Variants in TMEM108 observed in about 807,000 individuals in gnomAD.
TMEM108 encodes the protein cancer/testis antigen 124.
In TMEM108, 12 loss-of-function variants were observed where a neutral mutation model predicts 35.1. The observed-to-expected ratio is 0.34, with a 90% CI of 0.22 to 0.55. TMEM108 has a LOEUF of 0.55. Among genes scored for constraint, TMEM108 ranks in the 20% least tolerant of loss-of-function variants. The pLI, the probability that TMEM108 is intolerant of heterozygous loss-of-function variation, is 0.89. For synonymous variants in TMEM108, 287 were observed against 308.6 expected (o/e 0.93, Z 0.73); for missense variants, 680 against 753.3 (o/e 0.90, Z 1.14).
At chr3:133,138,535 T>C (rs901755658) in intron 2 of TMEM108, among the ~76,000 whole-genome samples, 3 of 152,150 alleles carry the variant, frequency 2.0e-5, no homozygotes, top group Non-Finnish European at 4.4e-5. Context: ...CATCAGCTAT[T>C]GTTAGTGTAT....
intron 2 of TMEM108, among the ~76,000 whole-genome samples, chr3:133,188,233 C>T (rs918005850): frequency 6.6e-6 from 1 of 152,148 alleles, no homozygotes; most frequent in Non-Finnish European, 1.5e-5. Flanking sequence ...GCACACTACA[C>T]ATTTGCAAAA....
At chr3:133,288,555 G>A (rs756992863) in intron 3 of TMEM108, among the ~76,000 whole-genome samples, 1 of 152,124 alleles carries the variant, frequency 6.6e-6, no homozygotes, top group Non-Finnish European at 1.5e-5. Flanking sequence ...TGTTCCCTGT[G>A]ATCATGGGTG....
chr3:133,234,729 T>C (rs559549941), intron 3 of TMEM108, among the ~76,000 whole-genome samples: 238 of 152,174 alleles, frequency 1.6e-3, no homozygotes, highest in African/African-American at 5.6e-3. Context: ...CTATTCAACA[T>C]AGTGTTGGAA....
intron 2 of TMEM108, among the ~76,000 whole-genome samples, chr3:133,213,976 A>G (rs1010124262): frequency 2.0e-5 from 3 of 152,164 alleles, no homozygotes; most frequent in Admixed American, 1.3e-4. Flanking sequence ...AGAAGGGGCT[A>G]TTTGGGGAAT....
chr3:133,328,083 G>A (rs2071352157), intron 3 of TMEM108, among the ~76,000 whole-genome samples: 1 of 152,166 alleles, frequency 6.6e-6, no homozygotes, highest in African/African-American at 2.4e-5. Flanking sequence ...ATGTCAGTGT[G>A]TTGTGTTGGA....
intron 3 of TMEM108, among the ~76,000 whole-genome samples, chr3:133,332,072 G>A (rs115991275): frequency 0.014 from 1,536 of 107,012 alleles, 12 homozygotes; most frequent in Non-Finnish European, 0.02. Flanking sequence ...GTGCGCGTGC[G>A]TGCGCACGTG....
chr3:133,081,996 C>T (rs1943816667), intron 2 of TMEM108, among the ~76,000 whole-genome samples: 1 of 152,200 alleles, frequency 6.6e-6, no homozygotes, highest in Non-Finnish European at 1.5e-5. Flanking sequence ...AGCTTCAAAG[C>T]CGTGGCAGAT....
chr3:133,227,485 G>A (rs1327351643), intron 2 of TMEM108, among the ~76,000 whole-genome samples: 9 of 149,862 alleles, frequency 6.0e-5, no homozygotes, highest in South Asian at 2.1e-4. Flanking sequence ...GAGCCACCGC[G>A]CCCGGCCTAA....
chr3:133,175,981 A>G (rs57007237), intron 2 of TMEM108, among the ~76,000 whole-genome samples: 28,060 of 152,016 alleles, frequency 0.18, 3,366 homozygotes, highest in East Asian at 0.37. Flanking sequence ...AGGAAGATCT[A>G]CCAAGCAAAT....
At chr3:133,118,609 C>T (rs1944315319) in intron 2 of TMEM108, among the ~76,000 whole-genome samples, 1 of 152,086 alleles carries the variant, frequency 6.6e-6, no homozygotes, top group African/African-American at 2.4e-5. Context: ...GTATTGTTAC[C>T]AGATTGTGTT....
At chr3:133,105,401 C>G (rs1944137679) in intron 2 of TMEM108, among the ~76,000 whole-genome samples, 1 of 152,200 alleles carries the variant, frequency 6.6e-6, no homozygotes, top group South Asian at 2.1e-4. Context: ...TCTGCCTCGT[C>G]TTTTTTGCCT....
chr3:133,142,907 T>C (rs1046202307), intron 2 of TMEM108, among the ~76,000 whole-genome samples: 4 of 152,170 alleles, frequency 2.6e-5, no homozygotes, highest in Non-Finnish European at 5.9e-5. Context: ...ATGAGGAAAC[T>C]GAGGTGTGAA....
chr3:133,137,339 C>G (rs1367120592), intron 2 of TMEM108, among the ~76,000 whole-genome samples: 2 of 152,220 alleles, frequency 1.3e-5, no homozygotes, highest in Admixed American at 1.3e-4. Context: ...ACGCTGCCGT[C>G]AGTCATCTTT....
intron 4 of TMEM108, among the ~76,000 whole-genome samples, chr3:133,385,318 A>C (rs2073119909): frequency 6.6e-6 from 1 of 152,080 alleles, no homozygotes; most frequent in African/African-American, 2.4e-5. Context: ...CAGCTGTTCC[A>C]GTGTTAGACC....
rs1375122325 is a variant in TMEM108 at position 133,362,974 on chromosome 3, G to T, written c.41-16778G>T. On this transcript the variant is annotated intron_variant, in intron 3 of 5. Transcript: ENST00000321871. ...GCAGGGGACCCAGCCGGGCCAGAGGGTGTTGTTTCCAGAAAAAGCAGCATC... is the reference window on the plus strand; with the variant it reads ...GCAGGGGACCCAGCCGGGCCAGAGGTTGTTGTTTCCAGAAAAAGCAGCATC... Among the ~76,000 whole-genome samples, 7 of 152,186 alleles carry T rather than the reference G, an allele frequency of 4.6e-5. No individual in the cohort carries two copies. The South Asian group carries it at 1.0e-3, about 23-fold the overall frequency.
At chr3:133,297,165 T>A (rs951224488) in intron 3 of TMEM108, among the ~76,000 whole-genome samples, 9 of 152,232 alleles carry the variant, frequency 5.9e-5, no homozygotes, top group Non-Finnish European at 4.4e-5. Flanking sequence ...AGTATTTCAT[T>A]TGTGTCTTCG....
At chr3:133,307,762 T>G (rs1488047603) in intron 3 of TMEM108, among the ~76,000 whole-genome samples, 1 of 152,178 alleles carries the variant, frequency 6.6e-6, no homozygotes, top group Non-Finnish European at 1.5e-5. Context: ...CTATACTGTT[T>G]TGGTAACTAT....
rs370492157 is a variant in TMEM108, at chr3:133,294,246, C to A, written c.40+64895C>A. Among the ~76,000 whole-genome samples, 33 of 152,208 alleles carry A rather than the reference C, an allele frequency of 2.2e-4. No individual in the cohort carries two copies. The South Asian group carries it at 6.2e-3, about 29-fold the overall frequency. ...TTATTGTACAGTAGAAATCTTCCAA[C>A]CTTAGGGTTATTTTGAGCTGATAGC... On this transcript the variant is annotated intron_variant, in intron 3 of 5. Coordinates refer to ENST00000321871, the MANE Select transcript of TMEM108 (RefSeq NM_023943.4).
intron 2 of TMEM108, among the ~76,000 whole-genome samples, chr3:133,141,421 C>T (rs1441485915): frequency 6.6e-6 from 1 of 152,180 alleles, no homozygotes; most frequent in African/African-American, 2.4e-5. Context: ...CAAAAGAAAA[C>T]TGCAAGGAGA....
Sources: allele counts gnomAD v4.1 joint callset (sites outside exome capture counted in the v4.1 genomes callset), GRCh38; gene constraint gnomAD v4.1.1; transcripts MANE v1.5; gene names NCBI Gene and HGNC (gene_info 2026-07-23, HGNC 2026-07-21).